DLG2: variants seen among roughly 807,000 people sequenced by gnomAD.
DLG2 encodes disks large homolog 2.
Under a neutral mutation model 132.5 loss-of-function variants are expected in DLG2, and 45 were observed. The observed-to-expected ratio is 0.34, with a 90% CI of 0.27 to 0.44. The LOEUF (loss-of-function observed/expected upper bound fraction) is 0.44. Ranked by LOEUF, DLG2 falls within the 20% of genes least tolerant of loss-of-function variation. The probability of loss-of-function intolerance (pLI) is 1.00; values close to 1 mark genes in which losing one functional copy is unlikely to be tolerated. For synonymous variants in DLG2, 424 were observed against 419.6 expected, an observed-to-expected ratio of 1.01 and a Z score of -0.13; for missense variants, 1,045 against 1,196.9, an observed-to-expected ratio of 0.87 and a Z score of 1.87.
intron 14 of DLG2, among the ~76,000 whole-genome samples, chr11:83,937,273 C>T (rs1031398198): frequency 6.6e-6 from 1 of 151,812 alleles, no homozygotes; most frequent in African/African-American, 2.4e-5. Context: ...TTTGGGAGGC[C>T]GAGGTGGGCG....
At chr11:84,889,422 C>G (rs2088928305) in intron 6 of DLG2, among the ~76,000 whole-genome samples, 1 of 151,956 alleles carries the variant, frequency 6.6e-6, no homozygotes, top group Non-Finnish European at 1.5e-5. Flanking sequence ...TATGGGTGTT[C>G]CAAGATAGAG....
intron 7 of DLG2, among the ~76,000 whole-genome samples, chr11:84,398,808 G>T (rs911350568): frequency 5.9e-5 from 9 of 152,134 alleles, no homozygotes; most frequent in African/African-American, 1.9e-4. Context: ...AACATCAGTT[G>T]CAGTATTCTG....
At chr11:83,687,523 T>C (rs1170274969) in intron 18 of DLG2, among the ~76,000 whole-genome samples, 3 of 152,200 alleles carry the variant, frequency 2.0e-5, no homozygotes, top group African/African-American at 7.2e-5. Context: ...TCTTTTATTA[T>C]AGAATTATTG....
chr11:83,765,902 G>T (rs369441067), intron 18 of DLG2, among the ~76,000 whole-genome samples: 49 of 152,180 alleles, frequency 3.2e-4, no homozygotes, highest in African/African-American at 1.2e-3. Context: ...GAATGTAGAT[G>T]TAGATAATAA....
At chr11:85,061,403 A>G (rs1176214582) in intron 6 of DLG2, among the ~76,000 whole-genome samples, 1 of 151,756 alleles carries the variant, frequency 6.6e-6, no homozygotes. Context: ...CTTAGATATT[A>G]TTTGGCCTAG....
At chr11:84,030,743 T>C (rs952748070) in intron 11 of DLG2, among the ~76,000 whole-genome samples, 1 of 152,130 alleles carries the variant, frequency 6.6e-6, no homozygotes, top group African/African-American at 2.4e-5. Flanking sequence ...GTTAGAGTTC[T>C]TCTACCTGAA....
intron 7 of DLG2, among the ~76,000 whole-genome samples, chr11:84,532,543 T>A (rs1002608786): frequency 6.6e-6 from 1 of 152,118 alleles, no homozygotes; most frequent in African/African-American, 2.4e-5. Context: ...TTGCCCAGGC[T>A]GTAGTGCAGT....
chr11:85,611,371 G>A (rs569613721), intron 2 of DLG2, among the ~76,000 whole-genome samples: 26 of 152,246 alleles, frequency 1.7e-4, no homozygotes, highest in Admixed American at 7.2e-4. Context: ...TTGAAGGACC[G>A]GTGCTTCAAA....
chr11:84,601,398 A>T (rs912572644), intron 6 of DLG2, among the ~76,000 whole-genome samples: 2 of 152,180 alleles, frequency 1.3e-5, no homozygotes, highest in Non-Finnish European at 2.9e-5. Context: ...TTCTGGAAAG[A>T]AATGCAGTGC....
At chr11:85,597,165 G>T (rs1419741448) in intron 3 of DLG2, among the ~76,000 whole-genome samples, 1 of 152,126 alleles carries the variant, frequency 6.6e-6, no homozygotes, top group African/African-American at 2.4e-5. Flanking sequence ...CCTGGGTAAT[G>T]GTGTTACATT....
intron 17 of DLG2, among the ~76,000 whole-genome samples, chr11:83,826,991 ACAGAGGGAGAGAGAGTTTCTTAGG>A (rs1295629898): frequency 3.3e-5 from 5 of 152,136 alleles, no homozygotes; most frequent in Non-Finnish European, 7.3e-5. Flanking sequence ...TCAGGAACAC[ACAGAGGGAGAGAGAGTTTCTTAGG>A]CAGAGAACAT....
intron 10 of DLG2, among the ~76,000 whole-genome samples, chr11:84,079,574 T>C (rs990461222): frequency 1.3e-5 from 2 of 152,166 alleles, no homozygotes; most frequent in Non-Finnish European, 2.9e-5. Flanking sequence ...TGAGCCACCG[T>C]GTCCAGCCCT....
At chr11:83,640,196 G>C (rs574981068) in intron 18 of DLG2, among the ~76,000 whole-genome samples, 2 of 152,116 alleles carry the variant, frequency 1.3e-5, no homozygotes, top group African/African-American at 4.8e-5. Context: ...CACACTACAG[G>C]AGAATTAGTT....
intron 3 of DLG2, among the ~76,000 whole-genome samples, chr11:85,462,994 A>T (rs534756711): frequency 6.6e-6 from 1 of 152,310 alleles, no homozygotes; most frequent in African/African-American, 2.4e-5. Flanking sequence ...ATGAGTAGAC[A>T]GCGAGAAGGC....
Position 84,161,646 on chromosome 11 carries a change from A to G in DLG2, c.624+1815T>C, listed in dbSNP as rs181775794. On this transcript the variant is annotated intron_variant, in intron 9 of 27. Coordinates refer to ENST00000376104, the MANE Select transcript of DLG2 (RefSeq NM_001142699.3). ...CTTTTATTTTTTGACCTCCAATACCAGGGCAACTAAATAGTGTTCTATTCA... is the reference window on the plus strand; with the variant it reads ...CTTTTATTTTTTGACCTCCAATACCGGGGCAACTAAATAGTGTTCTATTCA... 3.9e-5 allele frequency among the ~76,000 whole-genome samples: 6 copies of G among 152,278 alleles called. No homozygotes were observed. The East Asian group carries it at 1.2e-3, about 29-fold the overall frequency.
chr11:83,804,376 G>A (rs1029490232), intron 17 of DLG2, among the ~76,000 whole-genome samples: 1 of 151,784 alleles, frequency 6.6e-6, no homozygotes, highest in East Asian at 1.9e-4. Context: ...AATTTACTAT[G>A]CTAGTTCTAA....
At chr11:84,347,679 A>G (rs964695638) in intron 7 of DLG2, among the ~76,000 whole-genome samples, 5 of 152,210 alleles carry the variant, frequency 3.3e-5, no homozygotes, top group African/African-American at 1.2e-4. Context: ...CTAGCACCCT[A>G]TGCTGAAATA....
At chr11:84,768,246 G>A (rs2068723304) in intron 6 of DLG2, among the ~76,000 whole-genome samples, 1 of 152,094 alleles carries the variant, frequency 6.6e-6, no homozygotes, top group Non-Finnish European at 1.5e-5. Context: ...GGCTATTTTA[G>A]TCTGAGCCAT....
chr11:83,652,202 T>C (rs1166058971), intron 18 of DLG2, among the ~76,000 whole-genome samples: 1 of 152,200 alleles, frequency 6.6e-6, no homozygotes, highest in Non-Finnish European at 1.5e-5. Context: ...GCAGCGACTG[T>C]AGATCATGCA....
Sources: allele counts gnomAD v4.1 joint callset (sites outside exome capture counted in the v4.1 genomes callset), GRCh38; gene constraint gnomAD v4.1.1; transcripts MANE v1.5; gene names NCBI Gene and HGNC (gene_info 2026-07-23, HGNC 2026-07-21).